SMG6: variants seen among roughly 807,000 people sequenced by gnomAD.
The protein encoded by SMG6 is telomerase-binding protein EST1A.
Under a neutral mutation model 142.2 loss-of-function variants are expected in SMG6, and 66 were observed. The observed-to-expected ratio is 0.46, with a 90% confidence interval of 0.38 to 0.57. The LOEUF (loss-of-function observed/expected upper bound fraction) is 0.57. Ranked by LOEUF, SMG6 falls within the 20% of genes least tolerant of loss-of-function variation. The pLI is 0.00. For missense variants in SMG6, 1,793 were observed against 1,832.0 expected (o/e 0.98, Z 0.39); for synonymous variants, 779 against 702.4 (o/e 1.11, Z -1.72).
At chr17:2,108,484 C>CTGCAAATCTGCAGG (rs2069215911) in intron 13 of SMG6, among the ~76,000 whole-genome samples, 1 of 152,096 alleles carries the variant, frequency 6.6e-6, no homozygotes, top group Admixed American at 6.5e-5. Flanking sequence ...AGGCCCACGC[C>CTGCAAATCTGCAGG]TGCAAACCTG....
chr17:2,071,740 CG>C lies in SMG6; in HGVS notation c.3682-2810del, dbSNP rs11327052. 0.65 allele frequency among the ~76,000 whole-genome samples: 99,027 copies of C among 151,670 alleles called. 32,995 individuals are homozygous for C. The highest frequency in any genetic ancestry group is 0.77 in the African/African-American group (32,042 of 41,380). On this transcript the variant is annotated intron_variant, in intron 15 of 18. Transcript: ENST00000263073. The surrounding 1 kb of genome is among the most constrained non-coding windows in gnomAD (Gnocchi z 5.6). ...CCTGGGGTACCGGTGGGCCTCTGGG[CG>C]GGGGGGGTCACACCTGGGTCACAAG...
chr17:2,250,924 C>T (rs559757700), intron 8 of SMG6, among the ~76,000 whole-genome samples: 4 of 152,232 alleles, frequency 2.6e-5, no homozygotes, highest in Non-Finnish European at 4.4e-5. Context: ...CATCCCTGCG[C>T]TCCTATGCTG....
intron 10 of SMG6, among the ~76,000 whole-genome samples, chr17:2,220,283 G>A (rs1426460227): frequency 1.3e-5 from 2 of 152,068 alleles, no homozygotes; most frequent in African/African-American, 4.8e-5. Context: ...TATAATACTA[G>A]AAACCTGAGA....
chr17:2,194,712 C>CAAAAA (rs768893563), intron 10 of SMG6, among the ~76,000 whole-genome samples: 1 of 139,396 alleles, frequency 7.2e-6, no homozygotes. Flanking sequence ...CAAAACAAAA[C>CAAAAA]AAAAAAAAAA....
At chr17:2,220,138 G>C (rs898710305) in intron 10 of SMG6, among the ~76,000 whole-genome samples, 1 of 152,070 alleles carries the variant, frequency 6.6e-6, no homozygotes, top group Non-Finnish European at 1.5e-5. Flanking sequence ...ACCCAGGCTG[G>C]TCTCAAACTC....
rs1473700099 is a variant in SMG6 at position 2,221,024 on chromosome 17, AT to A, written c.2869+15467del. On this transcript the variant is annotated intron_variant, in intron 10 of 18. Transcript: ENST00000263073. ...TATATGAGTAGGGAAATAAAAAAGT[AT>A]TTCTAGTCAGGAAGAAAGGACAGAG... 3.3e-5 allele frequency among the ~76,000 whole-genome samples: 5 copies of A among 152,224 alleles called. No individual in the cohort carries two copies. The East Asian group carries it at 9.6e-4, about 29-fold the overall frequency.
intron 13 of SMG6, among the ~76,000 whole-genome samples, chr17:2,129,837 T>C (rs1423614013): frequency 1.0e-5 from 1 of 99,202 alleles, no homozygotes; most frequent in South Asian, 3.1e-4. Flanking sequence ...CCATGACAAA[T>C]AGATTTAATA....
rs749338637 is a variant in SMG6 at position 2,085,163 on chromosome 17, G to GAC, written c.3534+560_3534+561dup. 2.0e-4 allele frequency among the ~76,000 whole-genome samples: 30 copies of GAC among 151,756 alleles called. No homozygotes were observed. In the East Asian group the frequency reaches 3.5e-3, roughly 18 times the overall value. On this transcript the variant is annotated intron_variant, in intron 14 of 18. Coordinates refer to ENST00000263073, the MANE Select transcript of SMG6 (RefSeq NM_017575.5). The surrounding 1 kb of genome is among the most constrained non-coding windows in gnomAD (Gnocchi z 4.1). ...ACACAGACGCGCACACACACACACA[G>GAC]ACACACACACACGAGTCTGGAGTGA... is the stretch of plus-strand genomic sequence containing the variant.
intron 13 of SMG6, among the ~76,000 whole-genome samples, chr17:2,096,078 T>C (rs528482882): frequency 2.6e-5 from 4 of 152,310 alleles, no homozygotes; most frequent in Non-Finnish European, 2.9e-5. Context: ...TTCTCTTTTT[T>C]TTGAAACAGA....
intron 13 of SMG6, among the ~76,000 whole-genome samples, chr17:2,166,998 C>T (rs144549313): frequency 1.7e-4 from 26 of 151,848 alleles, no homozygotes; most frequent in Admixed American, 3.9e-4. Context: ...TGTGGCAGCG[C>T]GTGCCCCTGT....
rs561560198 is a variant in SMG6, at chr17:2,262,718, TG to T, written c.2662-18000del. 1.2e-4 allele frequency among the ~76,000 whole-genome samples: 18 copies of T among 152,350 alleles called. No individual in the cohort carries two copies. The East Asian group carries it at 3.5e-3, about 29-fold the overall frequency. On this transcript the variant is annotated intron_variant, in intron 8 of 18. Coordinates refer to ENST00000263073, the MANE Select transcript of SMG6 (RefSeq NM_017575.5). ...TATTATTACATTTATAACACTTTATTGCAAGTATTTATTTACATATCCTTTT... is the reference window on the plus strand; with the variant it reads ...TATTATTACATTTATAACACTTTATTCAAGTATTTATTTACATATCCTTTT...
At chr17:2,069,625 G>A (rs182432070) in intron 15 of SMG6, among the ~76,000 whole-genome samples, 7 of 152,230 alleles carry the variant, frequency 4.6e-5, no homozygotes, top group African/African-American at 1.2e-4. Context: ...AACAAACAAC[G>A]AACAATGAAG....
At chr17:2,063,677 C>T (rs942263846) in intron 18 of SMG6, among the ~76,000 whole-genome samples, 5 of 152,228 alleles carry the variant, frequency 3.3e-5, no homozygotes, top group African/African-American at 1.2e-4. Flanking sequence ...GGCTTGCCAG[C>T]TCCAGGCAGG....
In SMG6 at chr17:2,244,701, G is replaced by A; in HGVS notation, c.2680C>T (p.Leu894Phe). The change falls in exon 9 of 19, where the codon CTC (leucine) becomes TTC (phenylalanine). Residue 894 changes from leucine to phenylalanine, a missense_variant. By Grantham distance (22) the Leu-to-Phe change is conservative. Around this residue, in one of 3 missense-constraint regions of SMG6, gnomAD observed 1,597 missense variants for 1,584.6 expected, o/e 1.01. Transcript: ENST00000263073. The part of the protein sequence containing the change: ...SPSDLNKRFI[L>F]SFLHAHGKLF... ...TTCCCATGGGCATGGAGAAAACTGA[G>A]GATGAACCTTTTGTTCAGCTGCATG... 6.2e-7 allele frequency: 1 copy of A among 1,613,936 alleles called. No homozygotes were observed.
intron 11 of SMG6, among the ~76,000 whole-genome samples, chr17:2,187,267 G>A (rs576858701): frequency 6.6e-6 from 1 of 152,178 alleles, no homozygotes; most frequent in Non-Finnish European, 1.5e-5. Flanking sequence ...GACAAAGAAA[G>A]ACAGAAAAAC....
intron 10 of SMG6, among the ~76,000 whole-genome samples, chr17:2,227,269 T>C (rs1231700802): frequency 6.6e-6 from 1 of 152,226 alleles, no homozygotes; most frequent in Non-Finnish European, 1.5e-5. Flanking sequence ...AATACTTGCA[T>C]ATAAATGTTC....
chr17:2,155,170 A>G (rs1440849761), intron 13 of SMG6, among the ~76,000 whole-genome samples: 1 of 151,196 alleles, frequency 6.6e-6, no homozygotes, highest in Non-Finnish European at 1.5e-5. Flanking sequence ...CTCCTGCCTT[A>G]GCACCCCTAG....
intron 8 of SMG6, among the ~76,000 whole-genome samples, chr17:2,271,081 T>G (rs913358573): frequency 2.0e-5 from 3 of 151,634 alleles, no homozygotes; most frequent in Non-Finnish European, 4.4e-5. Context: ...GGAGGATTGC[T>G]TGAGTCCAGG....
chr17:2,118,454 A>T (rs1194772255), intron 13 of SMG6, among the ~76,000 whole-genome samples: 2 of 152,162 alleles, frequency 1.3e-5, no homozygotes, highest in Non-Finnish European at 2.9e-5. Context: ...CACGAGAATC[A>T]CTTGAACCTG....
Sources: gnomAD v4.1 joint callset for allele counts (sites outside exome capture counted in the v4.1 genomes callset) on GRCh38, gnomAD v4.1.1 for gene constraint, gnomAD v4.1.1 regional missense constraint, Gnocchi (gnomAD v3.1) non-coding constraint, MANE v1.5 for transcripts, NCBI Gene and HGNC (gene_info 2026-07-23, HGNC 2026-07-21) for gene names.